Variants in SCFD2 observed in about 807,000 individuals in gnomAD.
SCFD2 encodes the protein sec1 family domain containing 2.
In SCFD2, 54 loss-of-function variants were observed where a neutral mutation model predicts 58.9. The ratio of observed to expected loss-of-function variants is 0.92; its 90% CI spans 0.74 to 1.15. The LOEUF is 1.15. Ranked by LOEUF, SCFD2 falls within the 50% of genes most tolerant of loss-of-function variation. The pLI is 0.00. For synonymous variants in SCFD2, 321 were observed against 335.9 expected (o/e 0.96, Z 0.49); for missense variants, 805 against 836.6 (o/e 0.96, Z 0.47).
At chr4:53,124,527 C>T (rs1383549351) in intron 5 of SCFD2, among the ~76,000 whole-genome samples, 1 of 152,122 alleles carries the variant, frequency 6.6e-6, no homozygotes, top group Non-Finnish European at 1.5e-5. Context: ...AATAACTAGA[C>T]TCGCTGTCAA....
intron 4 of SCFD2, among the ~76,000 whole-genome samples, chr4:53,226,083 T>A (rs1474857260): frequency 6.6e-6 from 1 of 152,192 alleles, no homozygotes; most frequent in African/African-American, 2.4e-5. Flanking sequence ...ATTACAGATA[T>A]GAGCCACTGC....
At chr4:52,931,927 T>G (rs913411576) in intron 5 of SCFD2, among the ~76,000 whole-genome samples, 10 of 152,128 alleles carry the variant, frequency 6.6e-5, no homozygotes, top group Non-Finnish European at 1.5e-4. Context: ...GCTGTATGTG[T>G]GGGACGGGGA....
chr4:53,060,189 G>C (rs1380286811), intron 5 of SCFD2, among the ~76,000 whole-genome samples: 1 of 152,106 alleles, frequency 6.6e-6, no homozygotes, highest in Non-Finnish European at 1.5e-5. Context: ...AAAGAAAAAA[G>C]TTGTAGCATT....
intron 1 of SCFD2, among the ~76,000 whole-genome samples, chr4:53,355,917 A>C (rs566041118): frequency 2.6e-5 from 4 of 152,292 alleles, no homozygotes; most frequent in Admixed American, 6.5e-5. Context: ...ATCCTCTCAA[A>C]ACTTACTGTC....
intron 4 of SCFD2, among the ~76,000 whole-genome samples, chr4:53,159,959 G>C (rs1726805529): frequency 6.6e-6 from 1 of 152,174 alleles, no homozygotes; most frequent in South Asian, 2.1e-4. Context: ...GCACGAAAAA[G>C]AATCAGATTC....
chr4:53,267,929 G>A (rs1010177371), intron 4 of SCFD2, among the ~76,000 whole-genome samples: 2 of 152,176 alleles, frequency 1.3e-5, no homozygotes, highest in Non-Finnish European at 2.9e-5. Flanking sequence ...TATCTAGAAA[G>A]ATTATCATTC....
At chr4:53,140,392 A>AAAATATATATATATATATATATATATAT (rs369140110) in intron 5 of SCFD2, among the ~76,000 whole-genome samples, 1,210 of 97,114 alleles carry the variant, frequency 0.012, 186 homozygotes, top group South Asian at 0.035. Context: ...CAAAAATGCT[A>AAAATATATATATATATATATATATATAT]ATATATATAT....
intron 5 of SCFD2, among the ~76,000 whole-genome samples, chr4:53,142,324 C>G (rs1323532223): frequency 5.9e-5 from 9 of 152,172 alleles, no homozygotes; most frequent in Non-Finnish European, 4.4e-5. Flanking sequence ...AAAACTAAAG[C>G]ACTATATAAA....
chr4:53,151,744 G>A (rs983176480), intron 4 of SCFD2, among the ~76,000 whole-genome samples: 2 of 152,186 alleles, frequency 1.3e-5, no homozygotes, highest in African/African-American at 4.8e-5. Context: ...AGGAATACCT[G>A]AGGCTTGGTA....
chr4:53,136,911 A>T (rs142445373), intron 5 of SCFD2, among the ~76,000 whole-genome samples: 1 of 152,364 alleles, frequency 6.6e-6, no homozygotes, highest in Non-Finnish European at 1.5e-5. Context: ...AGTCCAGCAC[A>T]GAATAGATCA....
chr4:53,224,919 G>A (rs988312684), intron 4 of SCFD2, among the ~76,000 whole-genome samples: 1 of 151,836 alleles, frequency 6.6e-6, no homozygotes, highest in Non-Finnish European at 1.5e-5. Context: ...TGTTTTTCAT[G>A]AGAATAAACT....
At chr4:53,236,054 G>T (rs1228791872) in intron 4 of SCFD2, among the ~76,000 whole-genome samples, 1 of 152,144 alleles carries the variant, frequency 6.6e-6, no homozygotes, top group Non-Finnish European at 1.5e-5. Flanking sequence ...ATTGATTCTG[G>T]GTGTGTAAGT....
At chr4:53,168,185 T>A (rs1235952078) in intron 4 of SCFD2, among the ~76,000 whole-genome samples, 2 of 152,164 alleles carry the variant, frequency 1.3e-5, no homozygotes, top group African/African-American at 4.8e-5. Flanking sequence ...CTTGCAGGAA[T>A]CCAGAAATTT....
chr4:53,149,651 T>A (rs1030758282), intron 4 of SCFD2, among the ~76,000 whole-genome samples: 1 of 152,180 alleles, frequency 6.6e-6, no homozygotes. Flanking sequence ...AAAATGAAGG[T>A]GTATCTTTAC....
At chr4:53,065,424 A>T (rs1270732758) in intron 5 of SCFD2, among the ~76,000 whole-genome samples, 1 of 152,132 alleles carries the variant, frequency 6.6e-6, no homozygotes, top group East Asian at 1.9e-4. Context: ...AATAAGTCAG[A>T]TGTCAGATTA....
intron 3 of SCFD2, among the ~76,000 whole-genome samples, chr4:53,280,617 C>T (rs1731480646): frequency 6.6e-6 from 1 of 151,914 alleles, no homozygotes; most frequent in Non-Finnish European, 1.5e-5. Flanking sequence ...ATCGTCATTG[C>T]ATGTTTTTTA....
chr4:52,970,383 C>G (rs1229988367), intron 5 of SCFD2, among the ~76,000 whole-genome samples: 1 of 152,246 alleles, frequency 6.6e-6, no homozygotes, highest in African/African-American at 2.4e-5. Context: ...CTGTGCATGG[C>G]TCAGAGGGTC....
chr4:53,168,624 A>T (rs1268024349), intron 4 of SCFD2, among the ~76,000 whole-genome samples: 4 of 152,222 alleles, frequency 2.6e-5, no homozygotes, highest in Non-Finnish European at 4.4e-5. Flanking sequence ...TTATAGATTG[A>T]TATATTATAG....
At chr4:52,882,122 T>G (rs1158297822) in intron 8 of SCFD2, among the ~76,000 whole-genome samples, 5 of 152,120 alleles carry the variant, frequency 3.3e-5, no homozygotes, top group Non-Finnish European at 7.4e-5. Flanking sequence ...AAACTGGGGT[T>G]GAGGAGAGCT....
Sources: gnomAD v4.1 joint callset for allele counts (sites outside exome capture counted in the v4.1 genomes callset) on GRCh38, gnomAD v4.1.1 for gene constraint, MANE v1.5 for transcripts, NCBI Gene and HGNC (gene_info 2026-07-23, HGNC 2026-07-21) for gene names.